BARX2: variants seen among roughly 807,000 people sequenced by gnomAD.
BARX2 encodes homeobox protein BarH-like 2.
BARX2 carries 11 observed loss-of-function variants against 25.5 expected under a neutral mutation model. The observed-to-expected ratio is 0.43, with a 90% confidence interval of 0.27 to 0.71. BARX2 has a LOEUF of 0.71. BARX2 is among the 30% of genes least tolerant of loss of function. BARX2 has a pLI of 0.19. For missense variants in BARX2, 360 were observed against 359.9 expected, an observed-to-expected ratio of 1.00 and a Z score of 0.00; for synonymous variants, 137 against 149.5, an observed-to-expected ratio of 0.92 and a Z score of 0.61.
intron 1 of BARX2, among the ~76,000 whole-genome samples, chr11:129,403,895 T>G (rs1476364165): frequency 1.3e-5 from 2 of 152,084 alleles, no homozygotes; most frequent in East Asian, 3.9e-4. Context: ...CAGCTAATTT[T>G]TAAGATTTAT....
intron 1 of BARX2, among the ~76,000 whole-genome samples, chr11:129,379,609 C>T (rs944253150): frequency 4.6e-5 from 7 of 152,050 alleles, no homozygotes; most frequent in Middle Eastern, 3.4e-3. Flanking sequence ...GAAGCATCGG[C>T]GTGGTCATTT....
At chr11:129,388,738 G>C (rs1861639550) in intron 1 of BARX2, among the ~76,000 whole-genome samples, 1 of 152,200 alleles carries the variant, frequency 6.6e-6, no homozygotes, top group African/African-American at 2.4e-5. Flanking sequence ...TGATTGCAAT[G>C]AAAAGTCAAC....
chr11:129,423,063 G>C (rs1384090096), intron 1 of BARX2, among the ~76,000 whole-genome samples: 1 of 151,640 alleles, frequency 6.6e-6, no homozygotes, highest in Non-Finnish European at 1.5e-5. Flanking sequence ...TCAAGCCATA[G>C]AGAGATTTAA....
chr11:129,441,970 A>G (rs1295453609), intron 2 of BARX2, among the ~76,000 whole-genome samples: 3 of 152,206 alleles, frequency 2.0e-5, no homozygotes, highest in Non-Finnish European at 4.4e-5. Flanking sequence ...GGTGTGTTAG[A>G]TTTAGCCCCA....
rs144334162 is a variant in BARX2, at chr11:129,452,030, GTTTT to G, written c.*635_*638del. On this transcript the variant is annotated 3_prime_UTR_variant, in exon 4 of 4. Coordinates refer to ENST00000281437, the MANE Select transcript of BARX2 (RefSeq NM_003658.5). ...AAGACCCAAGAACTGATAAGCTTTGGTTTTTTTTTTGTTTTGTTTTGTTTTTTGC... is the reference window on the plus strand; with the variant it reads ...AAGACCCAAGAACTGATAAGCTTTGGTTTTTTGTTTTGTTTTGTTTTTTGC... 1 of 146,778 alleles carries G rather than the reference GTTTT, an allele frequency of 6.8e-6. No individual in the cohort carries two copies. The highest frequency in any genetic ancestry group is 1.5e-5 in the Non-Finnish European group (1 of 66,102). 9.1% of individuals were successfully genotyped at this position (146,778 alleles called of 1,614,324 possible). A position where few individuals can be genotyped will look rare whatever the true frequency, so the allele number is the denominator to read the frequency against.
rs185770144 is a variant in BARX2 at position 129,401,528 on chromosome 11, T to A, written c.187+25306T>A. Among the ~76,000 whole-genome samples the A allele has an allele frequency of 2.6e-5, 4 of 152,302 alleles. No homozygotes were observed. In the East Asian group the frequency reaches 7.7e-4, roughly 29 times the overall value. ...GTAGTGACTATAAATTGACATAGGA[T>A]ATGTAGACACAAGATCAGAAAGAGC... On this transcript the variant is annotated intron_variant, in intron 1 of 3. Coordinates refer to ENST00000281437, the MANE Select transcript of BARX2 (RefSeq NM_003658.5).
intron 1 of BARX2, among the ~76,000 whole-genome samples, chr11:129,421,017 G>C (rs111327797): frequency 9.9e-4 from 151 of 152,296 alleles, no homozygotes; most frequent in African/African-American, 3.5e-3. Flanking sequence ...GGCTGAGCAA[G>C]TTTAACGGGG....
intron 1 of BARX2, among the ~76,000 whole-genome samples, chr11:129,422,102 T>A (rs3019120): frequency 0.15 from 22,485 of 152,008 alleles, 2,086 homozygotes; most frequent in Non-Finnish European, 0.2. Context: ...CTGGCCTCGA[T>A]TGCCTGGCTT....
chr11:129,436,644 C>A lies in BARX2; in HGVS notation c.188-107C>A. The A allele has an allele frequency of 1.6e-6, 2 of 1,252,636 alleles. No homozygotes were observed. Among genetic ancestry groups the A allele is most frequent in the Non-Finnish European group, 2.2e-6 (2 of 907,578 alleles). The allele number at this position is 1,252,636 out of a possible 1,614,324, so 77.6% of individuals were successfully genotyped here. A position where few individuals can be genotyped will look rare whatever the true frequency, so the allele number is the denominator to read the frequency against. On this transcript the variant is annotated intron_variant, in intron 1 of 3. Transcript: ENST00000281437. The surrounding 1 kb of genome is among the most constrained non-coding windows in gnomAD (Gnocchi z 4.5). ...TCCTCCATCTGTACCTCCTTAAGAG[C>A]AGGGCCCTCCCTGTCAGACAGACCT...
At chr11:129,422,096 C>T (rs1862011038) in intron 1 of BARX2, among the ~76,000 whole-genome samples, 1 of 151,892 alleles carries the variant, frequency 6.6e-6, no homozygotes, top group Non-Finnish European at 1.5e-5. Context: ...TCCAGGCTGG[C>T]CTCGATTGCC....
chr11:129,408,020 CAAAAAAA>C (rs59310534), intron 1 of BARX2, among the ~76,000 whole-genome samples: 1 of 46,488 alleles, frequency 2.2e-5, no homozygotes, highest in Non-Finnish European at 4.0e-5. Context: ...GACTCCGTCT[CAAAAAAA>C]AAAAAAAAAA....
chr11:129,400,791 G>A (rs1265667357), intron 1 of BARX2, among the ~76,000 whole-genome samples: 1 of 152,206 alleles, frequency 6.6e-6, no homozygotes, highest in Non-Finnish European at 1.5e-5. Flanking sequence ...GGCGGTGGCA[G>A]GCGTGGGTCA....
At chr11:129,387,284 C>G (rs768995089) in intron 1 of BARX2, among the ~76,000 whole-genome samples, 10 of 152,254 alleles carry the variant, frequency 6.6e-5, no homozygotes, top group African/African-American at 2.2e-4. Context: ...AAAGAGCTGC[C>G]GTGGGACTAC....
rs1471779187 is a variant in BARX2 at position 129,401,925 on chromosome 11, C to T, written c.187+25703C>T. Among the ~76,000 whole-genome samples, 5 of 148,144 alleles carry T rather than the reference C, an allele frequency of 3.4e-5. No homozygotes were observed. The East Asian group carries it at 8.0e-4, about 24-fold the overall frequency. On this transcript the variant is annotated intron_variant, in intron 1 of 3. Transcript: ENST00000281437. Reference sequence around the variant, plus strand: ...GAGCCAAGATTGCACCATTGCACTACGGCCTGGGCAACAGAGCAAGACTCT... The same window carrying T: ...GAGCCAAGATTGCACCATTGCACTATGGCCTGGGCAACAGAGCAAGACTCT...
At chr11:129,447,019 G>C (rs1462562258) in intron 3 of BARX2, among the ~76,000 whole-genome samples, 2 of 152,202 alleles carry the variant, frequency 1.3e-5, no homozygotes, top group African/African-American at 4.8e-5. Context: ...ACGTAGAACA[G>C]TGGCCCATTT....
At position 129,376,313 on chromosome 11, in the gene BARX2, G is replaced by C; in HGVS notation, c.187+91G>C. ...CTTTGCGATCCGAGGGCGAGAGGAAGGGTTAAGTTAAGGGATTCTTTTCCT... is the reference window on the plus strand; with the variant it reads ...CTTTGCGATCCGAGGGCGAGAGGAACGGTTAAGTTAAGGGATTCTTTTCCT... On this transcript the variant is annotated intron_variant, in intron 1 of 3. Coordinates refer to ENST00000281437, the MANE Select transcript of BARX2 (RefSeq NM_003658.5). The surrounding 1 kb of genome is among the most constrained non-coding windows in gnomAD (Gnocchi z 4.2). 7.9e-7 allele frequency: 1 copy of C among 1,258,178 alleles called. No homozygotes were observed. The highest frequency in any genetic ancestry group is 1.1e-6 in the Non-Finnish European group (1 of 917,918). 77.9% of individuals were successfully genotyped at this position (1,258,178 alleles called of 1,614,324 possible).
In BARX2 at chr11:129,376,180, C is replaced by T; in HGVS notation, c.145C>T (p.Pro49Ser). 1.9e-6 allele frequency: 3 copies of T among 1,612,742 alleles called. No homozygotes were observed. Among genetic ancestry groups the T allele is most frequent in the Non-Finnish European group, 2.5e-6 (3 of 1,179,406 alleles). Reference protein sequence around the residue: ...FEKLSLYSVCPSLVVRPKPLH... With the variant: ...FEKLSLYSVCSSLVVRPKPLH... ...GAAACTTTCCCTCTACTCCGTGTGC[C>T]CGTCGCTGGTCGTGCGACCCAAGCC... The change falls in exon 1 of 4, where the codon CCG becomes TCG. Residue 49 changes from proline (P) to serine (S), a missense_variant. Physicochemically the swap from Pro to Ser is moderately conservative, Grantham distance 74. Around this residue, in one of 3 missense-constraint regions of BARX2, gnomAD observed 240 missense variants for 228.7 expected, o/e 1.05. Transcript: ENST00000281437. This position sits in a 1 kb window ranked among gnomAD's most constrained non-coding sequence, Gnocchi z 4.2.
intron 1 of BARX2, among the ~76,000 whole-genome samples, chr11:129,428,482 G>A (rs1302677671): frequency 6.6e-6 from 1 of 152,204 alleles, no homozygotes. Context: ...TTATTTCACA[G>A]TACTTTTTTG....
intron 1 of BARX2, among the ~76,000 whole-genome samples, chr11:129,386,930 G>T (rs1380921212): frequency 6.6e-6 from 1 of 152,146 alleles, no homozygotes; most frequent in Non-Finnish European, 1.5e-5. Context: ...CTGGAGGGGG[G>T]CCTCACCCCA....
Sources: allele counts gnomAD v4.1 joint callset (sites outside exome capture counted in the v4.1 genomes callset), GRCh38; gene constraint gnomAD v4.1.1; regional missense constraint gnomAD v4.1.1; non-coding constraint Gnocchi (gnomAD v3.1); transcripts MANE v1.5; gene names NCBI Gene and HGNC (gene_info 2026-07-23, HGNC 2026-07-21).